Variants in PTK2 observed in about 807,000 individuals in gnomAD.
The protein encoded by PTK2 is focal adhesion kinase 1.
PTK2 carries 45 observed loss-of-function variants against 150.1 expected under a neutral mutation model. The observed-to-expected ratio is 0.30, with a 90% CI of 0.24 to 0.38. The LOEUF is 0.38. PTK2 is among the 10% of genes least tolerant of loss of function. PTK2 has a pLI of 1.00. For missense variants in PTK2, 919 were observed against 1,307.3 expected (o/e 0.70, Z 4.58); for synonymous variants, 432 against 449.2 (o/e 0.96, Z 0.48).
intron 21 of PTK2, among the ~76,000 whole-genome samples, chr8:140,735,836 T>C (rs1049855047): frequency 6.6e-6 from 1 of 152,216 alleles, no homozygotes; most frequent in African/African-American, 2.4e-5. Context: ...GCAGCTGACC[T>C]GAGGTCCAAT....
chr8:140,776,899 G>A (rs752465143), intron 14 of PTK2, among the ~76,000 whole-genome samples: 17 of 152,188 alleles, frequency 1.1e-4, no homozygotes, highest in East Asian at 7.7e-4. Context: ...CCTCAGGCGC[G>A]AAGTGCTGAA....
chr8:140,782,697 C>T lies in PTK2; in HGVS notation c.1177+6777G>A, dbSNP rs888903048. Reference sequence around the variant, plus strand: ...AATTCCTAAAAGCTAGCATTTAAATCAAGCTTTCAGCAACAGATAGAGACT... The same window carrying T: ...AATTCCTAAAAGCTAGCATTTAAATTAAGCTTTCAGCAACAGATAGAGACT... On this transcript the variant is annotated intron_variant, in intron 14 of 31. Transcript: ENST00000522684. Among the ~76,000 whole-genome samples, 9 of 151,092 alleles carry T rather than the reference C, an allele frequency of 6.0e-5. No homozygotes were observed. In the South Asian group the frequency reaches 1.9e-3, roughly 32 times the overall value.
chr8:140,973,851 T>C (rs903846568), intron 1 of PTK2, among the ~76,000 whole-genome samples: 30 of 152,268 alleles, frequency 2.0e-4, no homozygotes, highest in African/African-American at 7.0e-4. Flanking sequence ...TCTTAACCAG[T>C]CTAGGTTTTC....
chr8:140,777,569 A>G (rs138272217), intron 14 of PTK2, among the ~76,000 whole-genome samples: 1 of 152,386 alleles, frequency 6.6e-6, no homozygotes, highest in Non-Finnish European at 1.5e-5. Context: ...AGTTGCTTTT[A>G]GTCGCTTAGA....
At chr8:140,904,722 C>T (rs1054269098) in intron 2 of PTK2, among the ~76,000 whole-genome samples, 12 of 152,054 alleles carry the variant, frequency 7.9e-5, no homozygotes, top group African/African-American at 2.7e-4. Context: ...CTGATTTAGT[C>T]TTGGGAGGGT....
intron 1 of PTK2, among the ~76,000 whole-genome samples, chr8:140,972,833 C>T (rs1263284566): frequency 1.4e-5 from 2 of 146,476 alleles, no homozygotes; most frequent in Admixed American, 1.4e-4. Context: ...ACTAAGTCTG[C>T]CATTTTACAT....
At chr8:140,659,867 T>C (rs1282576605) in intron 31 of PTK2, among the ~76,000 whole-genome samples, 189 bp from the exon 36 acceptor site, 1 of 152,212 alleles carries the variant, frequency 6.6e-6, no homozygotes, top group Non-Finnish European at 1.5e-5. Flanking sequence ...AATGAACTTT[T>C]CAGGGAATTT....
At chr8:140,691,845 C>G (rs909505451) in intron 26 of PTK2, among the ~76,000 whole-genome samples, 10 of 152,122 alleles carry the variant, frequency 6.6e-5, no homozygotes. Context: ...AATTAATATC[C>G]AAGGCACAAG....
At chr8:140,973,658 A>G (rs1015928208) in intron 1 of PTK2, among the ~76,000 whole-genome samples, 4 of 152,220 alleles carry the variant, frequency 2.6e-5, no homozygotes, top group Non-Finnish European at 5.9e-5. Context: ...ACATGCACTT[A>G]AACTAAGTTA....
At chr8:140,704,419 A>G (rs987507426) in intron 24 of PTK2, among the ~76,000 whole-genome samples, 2 of 152,220 alleles carry the variant, frequency 1.3e-5, no homozygotes, top group African/African-American at 4.8e-5. Flanking sequence ...CCCCACTCTC[A>G]GGGGCTTCCA....
At chr8:140,771,636 A>T (rs563888650) in intron 14 of PTK2, among the ~76,000 whole-genome samples, 4 of 152,280 alleles carry the variant, frequency 2.6e-5, no homozygotes, top group African/African-American at 9.6e-5. Flanking sequence ...AGAAGTATGG[A>T]CCCAAGAACA....
chr8:140,871,346 GTTTACATAAT>G (rs1389306488), intron 4 of PTK2, among the ~76,000 whole-genome samples: 1 of 152,190 alleles, frequency 6.6e-6, no homozygotes, highest in Non-Finnish European at 1.5e-5. Flanking sequence ...TTCAACAAAT[GTTTACATAAT>G]TGGTGACTGG....
chr8:140,921,938 G>A (rs754007492), intron 2 of PTK2, among the ~76,000 whole-genome samples: 2 of 152,086 alleles, frequency 1.3e-5, no homozygotes, highest in Non-Finnish European at 2.9e-5. Flanking sequence ...TAGTAACTAG[G>A]CTCCTGGTGC....
chr8:140,961,401 C>A (rs945272145), intron 1 of PTK2, among the ~76,000 whole-genome samples: 1 of 152,210 alleles, frequency 6.6e-6, no homozygotes, highest in Non-Finnish European at 1.5e-5. Flanking sequence ...GTGGCTCACA[C>A]CTGTAATCCC....
At chr8:140,784,619 C>T (rs1389545372) in intron 14 of PTK2, among the ~76,000 whole-genome samples, 1 of 152,150 alleles carries the variant, frequency 6.6e-6, no homozygotes, top group Non-Finnish European at 1.5e-5. Flanking sequence ...TTTCAGCATA[C>T]TTACAGGTCC....
intron 1 of PTK2, among the ~76,000 whole-genome samples, chr8:140,964,996 C>T (rs750824742): frequency 1.2e-4 from 19 of 152,256 alleles, no homozygotes; most frequent in Non-Finnish European, 2.2e-4. Context: ...CTATCATGAA[C>T]GGATATGGAA....
chr8:140,760,597 C>G (rs2100068863), intron 16 of PTK2, among the ~76,000 whole-genome samples: 1 of 152,128 alleles, frequency 6.6e-6, no homozygotes, highest in South Asian at 2.1e-4. Context: ...GAAGTAACTG[C>G]TGCTAATGGG....
intron 26 of PTK2, among the ~76,000 whole-genome samples, chr8:140,695,344 A>G (rs1351799382): frequency 1.3e-5 from 2 of 150,756 alleles, no homozygotes; most frequent in African/African-American, 2.4e-5. Flanking sequence ...TCAACTTCCT[A>G]TTGGATCTCT....
intron 31 of PTK2, 78 bp downstream of exon 35, chr8:140,664,839 T>C: frequency 1.4e-6 from 2 of 1,428,906 alleles, no homozygotes; most frequent in Non-Finnish European, 2.0e-6. Flanking sequence ...GGAGCGGCCT[T>C]CAGCACCACA....
Sources: gnomAD v4.1 joint callset for allele counts (sites outside exome capture counted in the v4.1 genomes callset) on GRCh38, gnomAD v4.1.1 for gene constraint, MANE v1.5 for transcripts, NCBI Gene and HGNC (gene_info 2026-07-23, HGNC 2026-07-21) for gene names.